Variants in FRAS1 observed in about 807,000 individuals in gnomAD.
FRAS1 encodes the protein Fraser extracellular matrix complex subunit 1, also known as extracellular matrix organizing protein FRAS1.
Under a neutral mutation model 435.2 loss-of-function variants are expected in FRAS1, and 290 were observed. The observed-to-expected ratio is 0.67, with a 90% CI of 0.61 to 0.73. The LOEUF (loss-of-function observed/expected upper bound fraction) is 0.73, where lower values mean the gene tolerates loss of function less well. FRAS1 is among the 30% of genes least tolerant of loss of function. The pLI, the probability that FRAS1 is intolerant of heterozygous loss-of-function variation, is 0.00. For missense variants in FRAS1, 4,860 were observed against 5,001.5 expected, an observed-to-expected ratio of 0.97 and a Z score of 0.85; for synonymous variants, 1,800 against 1,851.0, an observed-to-expected ratio of 0.97 and a Z score of 0.71.
chr4:78,503,163 G>T (rs1720732198), intron 61 of FRAS1, among the ~76,000 whole-genome samples: 1 of 152,180 alleles, frequency 6.6e-6, no homozygotes, highest in Non-Finnish European at 1.5e-5. Flanking sequence ...CAGGGATATT[G>T]GTCTAAAAAT....
chr4:78,326,135 A>C (rs2110248256), intron 18 of FRAS1, among the ~76,000 whole-genome samples: 1 of 96,878 alleles, frequency 1.0e-5, no homozygotes, highest in East Asian at 2.6e-4. Context: ...AAATTTGGTC[A>C]ATTCACATTT....
chr4:78,086,631 G>A (rs1169345312), intron 2 of FRAS1, among the ~76,000 whole-genome samples: 3 of 152,172 alleles, frequency 2.0e-5, no homozygotes, highest in Non-Finnish European at 4.4e-5. Flanking sequence ...ACTACCATCA[G>A]AGAATACTAT....
intron 2 of FRAS1, among the ~76,000 whole-genome samples, chr4:78,130,809 CAGTGTTCTTAGGTCTCCT>C (rs1719645525): frequency 6.6e-6 from 1 of 152,134 alleles, no homozygotes; most frequent in Admixed American, 6.6e-5. Flanking sequence ...AAAAACAAAT[CAGTGTTCTTAGGTCTCCT>C]AGAAATTGCT....
At chr4:78,197,526 T>C (rs1578180219) in intron 2 of FRAS1, among the ~76,000 whole-genome samples, 2 of 152,184 alleles carry the variant, frequency 1.3e-5, no homozygotes, top group Non-Finnish European at 2.9e-5. Context: ...TATGAAAGGA[T>C]TCTAATGTAG....
intron 2 of FRAS1, among the ~76,000 whole-genome samples, chr4:78,081,957 T>C (rs17002924): frequency 0.046 from 7,019 of 152,260 alleles, 454 homozygotes; most frequent in African/African-American, 0.13. Context: ...TGTGCTCTTC[T>C]TGTTTAAATT....
Position 78,370,466 on chromosome 4 carries a change from G to C in FRAS1, c.2869+482G>C, listed in dbSNP as rs138883622. ...GTAATGTTGGATATGTATCCTGACAGTGCAACCGTAGGTTGAAACGGTGTA... is the reference window on the plus strand; with the variant it reads ...GTAATGTTGGATATGTATCCTGACACTGCAACCGTAGGTTGAAACGGTGTA... On this transcript the variant is annotated intron_variant, in intron 23 of 73. Transcript: ENST00000512123. Among the ~76,000 whole-genome samples the C allele has an allele frequency of 2.6e-4, 40 of 152,324 alleles. No individual in the cohort carries two copies. The East Asian group carries it at 6.4e-3, about 24-fold the overall frequency.
chr4:78,117,343 G>T (rs998377061), intron 2 of FRAS1, among the ~76,000 whole-genome samples: 1 of 152,106 alleles, frequency 6.6e-6, no homozygotes, highest in Non-Finnish European at 1.5e-5. Flanking sequence ...TATCTTTGTG[G>T]CGTTCTCTAT....
In FRAS1 at chr4:78,380,179, G is replaced by A. The variant is rs139655532; in HGVS notation, c.3563+183G>A. Among the ~76,000 whole-genome samples the A allele has an allele frequency of 5.3e-4, 80 of 152,280 alleles. No individual in the cohort carries two copies. In the East Asian group the frequency reaches 0.011, roughly 22 times the overall value. On this transcript the variant is annotated intron_variant, in intron 27 of 73. Transcript: ENST00000512123. ...ATTTCCCTGTGATTGCTCAAAGAGCGTGCATCTGTTAGAGACATTTTCGTT... is the reference window on the plus strand; with the variant it reads ...ATTTCCCTGTGATTGCTCAAAGAGCATGCATCTGTTAGAGACATTTTCGTT...
At chr4:78,199,856 G>A (rs541975606) in intron 2 of FRAS1, among the ~76,000 whole-genome samples, 3 of 152,284 alleles carry the variant, frequency 2.0e-5, no homozygotes, top group African/African-American at 7.2e-5. Flanking sequence ...ATTGTGTCTT[G>A]GAACATGGTG....
intron 29 of FRAS1, among the ~76,000 whole-genome samples, chr4:78,389,644 T>A (rs1312423269): frequency 6.6e-6 from 1 of 152,230 alleles, no homozygotes; most frequent in Non-Finnish European, 1.5e-5. Context: ...GAGAAGTTTT[T>A]GTTTCTTCGT....
chr4:78,260,098 T>G (rs1467439538), intron 6 of FRAS1, among the ~76,000 whole-genome samples: 4 of 152,092 alleles, frequency 2.6e-5, no homozygotes, highest in East Asian at 1.9e-4. Flanking sequence ...CTGTTTTGGT[T>G]ACTGTAGCCT....
chr4:78,345,569 A>T (rs1730574764), intron 20 of FRAS1, among the ~76,000 whole-genome samples: 1 of 148,750 alleles, frequency 6.7e-6, no homozygotes. Context: ...TTTTTTTAAC[A>T]CTTGCTTCTT....
intron 19 of FRAS1, 26 bp from the exon 20 acceptor site, chr4:78,337,648 A>G: frequency 6.2e-7 from 1 of 1,606,672 alleles, no homozygotes; most frequent in Non-Finnish European, 8.5e-7. Context: ...TGCTAATTCC[A>G]ATCCTGGTTT....
At chr4:78,328,735 C>A (rs1729815040) in intron 18 of FRAS1, among the ~76,000 whole-genome samples, 1 of 152,126 alleles carries the variant, frequency 6.6e-6, no homozygotes, top group South Asian at 2.1e-4. Flanking sequence ...AACTCACATG[C>A]AGTAATTTTA....
Position 78,317,438 on chromosome 4 carries a change from G to A in FRAS1, c.1890G>A (p.Lys630=), listed in dbSNP as rs1345457026. The A allele has an allele frequency of 6.2e-7, 1 of 1,613,820 alleles. No homozygotes were observed. The highest frequency in any genetic ancestry group is 1.3e-5 in the African/African-American group (1 of 74,924). Residue 630 remains lysine (K), a synonymous_variant, in exon 17 of 74, where the codon AAG becomes AAA. Transcript: ENST00000512123. ...ACTGTACAGCCTGCAGCCCCCCCAA[G>A]GCTCTGCGTCAAGGCCACTGTCTGC... The part of the protein sequence containing the change: ...PSHCTACSPP[K]ALRQGHCLPR...
intron 49 of FRAS1, among the ~76,000 whole-genome samples, chr4:78,465,137 G>A (rs1271671262): frequency 6.6e-6 from 1 of 152,142 alleles, no homozygotes; most frequent in Non-Finnish European, 1.5e-5. Flanking sequence ...AACTCATACT[G>A]CCACACTTAT....
At chr4:78,226,945 C>T (rs1365216367) in intron 2 of FRAS1, among the ~76,000 whole-genome samples, 1 of 152,062 alleles carries the variant, frequency 6.6e-6, no homozygotes, top group Non-Finnish European at 1.5e-5. Context: ...TTAGGTATAG[C>T]CAGTCTGCCG....
intron 2 of FRAS1, among the ~76,000 whole-genome samples, chr4:78,193,905 G>C (rs1199205346): frequency 6.6e-6 from 1 of 152,202 alleles, no homozygotes; most frequent in South Asian, 2.1e-4. Flanking sequence ...TGCAGTGGCT[G>C]GTACTGGTTG....
At chr4:78,248,309 C>T (rs1246321972) in intron 4 of FRAS1, among the ~76,000 whole-genome samples, 2 of 152,196 alleles carry the variant, frequency 1.3e-5, no homozygotes, top group Non-Finnish European at 2.9e-5. Context: ...GCCTCAAATG[C>T]GTTTTAGAGT....
Sources: gnomAD v4.1 joint callset for allele counts (sites outside exome capture counted in the v4.1 genomes callset) on GRCh38, gnomAD v4.1.1 for gene constraint, MANE v1.5 for transcripts, NCBI Gene and HGNC (gene_info 2026-07-23, HGNC 2026-07-21) for gene names.